Variants in STARD13 observed in about 807,000 individuals in gnomAD.
The protein encoded by STARD13 is StAR related lipid transfer domain containing 13, also known as stAR-related lipid transfer protein 13.
STARD13 carries 62 observed loss-of-function variants against 106.4 expected under a neutral mutation model. That is an observed-to-expected ratio of 0.58 (90% CI 0.48 to 0.72). STARD13 has a LOEUF of 0.72. Ranked by LOEUF, STARD13 falls within the 30% of genes least tolerant of loss-of-function variation. The pLI is 0.00. For synonymous variants in STARD13, 565 were observed against 553.0 expected (o/e 1.02, Z -0.31); for missense variants, 1,387 against 1,424.0 (o/e 0.97, Z 0.42).
chr13:33,436,065 C>A, the STARD13 span, among the ~76,000 whole-genome samples: 1 of 152,156 alleles, frequency 6.6e-6, no homozygotes, highest in Non-Finnish European at 1.5e-5. Flanking sequence ...AACGCCATAA[C>A]ACAATGAAGC....
intron 1 of STARD13, among the ~76,000 whole-genome samples, chr13:33,314,113 TG>T (rs1893240388): frequency 6.6e-6 from 1 of 152,134 alleles, no homozygotes; most frequent in Admixed American, 6.6e-5. Flanking sequence ...CATAGTTAAC[TG>T]TGACATTAGG....
intron 1 of STARD13, among the ~76,000 whole-genome samples, chr13:33,310,437 T>C (rs1594247736): frequency 6.6e-6 from 1 of 152,156 alleles, no homozygotes. Flanking sequence ...GACTGATAAA[T>C]AGCAGTAATT....
rs544113301 is a variant in STARD13 at position 33,310,101 on chromosome 13, C to T, written c.124+40189G>A. Among the ~76,000 whole-genome samples the T allele has an allele frequency of 4.1e-4, 63 of 152,310 alleles. 1 individual carries two copies. The South Asian group carries it at 4.8e-3, about 12-fold the overall frequency. On this transcript the variant is annotated intron_variant, in intron 1 of 5. Coordinates refer to the STARD13 transcript ENST00000567873. ...TTGGATAGTTAGGAATACAGGGCCA[C>T]ACTGAGTTCTTTTCAACTGCAAGTT...
intron 1 of STARD13, chr13:33,281,019 G>A (rs1467033810): frequency 6.6e-6 from 1 of 152,160 alleles, no homozygotes; most frequent in Non-Finnish European, 1.5e-5. Flanking sequence ...CCGCTCTGTT[G>A]CCTTTTTAGG....
the STARD13 span, among the ~76,000 whole-genome samples, chr13:33,646,422 T>C: frequency 6.6e-6 from 1 of 152,206 alleles, no homozygotes; most frequent in African/African-American, 2.4e-5. Context: ...CACGAAGCAC[T>C]CATGGGTTCA....
chr13:33,362,466 C>T, the STARD13 span, among the ~76,000 whole-genome samples: 5 of 152,272 alleles, frequency 3.3e-5, no homozygotes, highest in African/African-American at 9.6e-5. Flanking sequence ...AAGGGAAAAA[C>T]GACAAGTTCA....
intron 1 of STARD13, among the ~76,000 whole-genome samples, chr13:33,219,270 G>C (rs1888209944): frequency 6.6e-6 from 1 of 151,872 alleles, no homozygotes; most frequent in African/African-American, 2.4e-5. Flanking sequence ...TCTTCCCTTT[G>C]AGTTGGGTTC....
At chr13:33,655,162 A>AATT in the STARD13 span, among the ~76,000 whole-genome samples, 1 of 152,242 alleles carries the variant, frequency 6.6e-6, no homozygotes, top group Non-Finnish European at 1.5e-5. Flanking sequence ...ATTCAGAAGT[A>AATT]ATTATTAGTG....
Position 33,316,380 on chromosome 13 carries a change from T to A in STARD13, c.124+33910A>T, listed in dbSNP as rs979107489. ...ATGGATTCATCTATAATAAGCAATGTAGAAATAAGCAATCTTGGTTCTGAT... is the reference window on the plus strand; with the variant it reads ...ATGGATTCATCTATAATAAGCAATGAAGAAATAAGCAATCTTGGTTCTGAT... On this transcript the variant is annotated intron_variant, in intron 1 of 5. Coordinates refer to the STARD13 transcript ENST00000567873. 3.3e-5 allele frequency among the ~76,000 whole-genome samples: 5 copies of A among 152,212 alleles called. No homozygotes were observed. In the East Asian group the frequency reaches 9.6e-4, roughly 29 times the overall value.
chr13:33,182,933 G>A (rs1240810459), intron 1 of STARD13, among the ~76,000 whole-genome samples: 8 of 152,192 alleles, frequency 5.3e-5, no homozygotes, highest in African/African-American at 1.7e-4. Context: ...TGGGGCTCAC[G>A]TGCAGTCACG....
intron 1 of STARD13, among the ~76,000 whole-genome samples, chr13:33,208,674 G>T (rs1030141668): frequency 3.3e-4 from 50 of 152,224 alleles, no homozygotes; most frequent in African/African-American, 1.2e-3. Flanking sequence ...CACTCAGGAG[G>T]CTATGGCAAT....
At chr13:33,361,569 A>G in the STARD13 span, among the ~76,000 whole-genome samples, 2 of 152,220 alleles carry the variant, frequency 1.3e-5, no homozygotes, top group African/African-American at 2.4e-5. Flanking sequence ...AGACTGGCTA[A>G]TTTATAAAGA....
At chr13:33,204,995 G>A (rs886834972) in intron 1 of STARD13, among the ~76,000 whole-genome samples, 3 of 152,158 alleles carry the variant, frequency 2.0e-5, no homozygotes, top group Non-Finnish European at 4.4e-5. Context: ...CCTCCTGTGA[G>A]CCCCCTGAAA....
At chr13:33,495,131 C>T in the STARD13 span, among the ~76,000 whole-genome samples, 1 of 152,078 alleles carries the variant, frequency 6.6e-6, no homozygotes, top group Admixed American at 6.6e-5. Flanking sequence ...TACATGTACA[C>T]CATAAAAATA....
intron 1 of STARD13, among the ~76,000 whole-genome samples, chr13:33,338,531 T>A (rs1015638447): frequency 6.6e-6 from 1 of 152,138 alleles, no homozygotes; most frequent in African/African-American, 2.4e-5. Flanking sequence ...AATGGATCGA[T>A]ACGAGATGCT....
the STARD13 span, among the ~76,000 whole-genome samples, chr13:33,591,150 G>A: frequency 2.6e-5 from 4 of 152,228 alleles, no homozygotes; most frequent in South Asian, 2.1e-4. Flanking sequence ...ACTGCAAGGC[G>A]AGGGCAGATG....
intron 1 of STARD13, among the ~76,000 whole-genome samples, chr13:33,271,847 T>C (rs1891180902): frequency 6.6e-6 from 1 of 152,042 alleles, no homozygotes; most frequent in African/African-American, 2.4e-5. Flanking sequence ...AAAAAAAAAC[T>C]TCTTGGTTCC....
chr13:33,405,000 C>T, the STARD13 span, among the ~76,000 whole-genome samples: 6 of 152,278 alleles, frequency 3.9e-5, no homozygotes, highest in Admixed American at 6.5e-5. Context: ...TGGTCTCTAA[C>T]TCCTGGTCTC....
chr13:33,471,168 A>T, the STARD13 span, among the ~76,000 whole-genome samples: 1 of 152,144 alleles, frequency 6.6e-6, no homozygotes, highest in East Asian at 1.9e-4. Context: ...GCAGGTTTTA[A>T]GGAACTACTG....
Sources: allele counts gnomAD v4.1 joint callset (sites outside exome capture counted in the v4.1 genomes callset), GRCh38; gene constraint gnomAD v4.1.1; transcripts MANE v1.5; gene names NCBI Gene and HGNC (gene_info 2026-07-23, HGNC 2026-07-21).